Variants in FRMD5 observed in about 807,000 individuals in gnomAD.
FRMD5 encodes the protein FERM domain containing 5, also known as FERM domain-containing protein 5.
A neutral mutation model predicts 69.0 loss-of-function variants in FRMD5; 20 were observed. The observed-to-expected ratio is 0.29, with a 90% confidence interval of 0.20 to 0.42. The LOEUF is 0.42. Ranked by LOEUF, FRMD5 falls within the 10% of genes least tolerant of loss-of-function variation. The pLI, the probability that FRMD5 is intolerant of heterozygous loss-of-function variation, is 1.00. For missense variants in FRMD5, 595 were observed against 708.6 expected (o/e 0.84, Z 1.82); for synonymous variants, 271 against 260.1 (o/e 1.04, Z -0.40).
chr15:44,136,892 C>T (rs2077195308), intron 1 of FRMD5, among the ~76,000 whole-genome samples: 1 of 152,102 alleles, frequency 6.6e-6, no homozygotes, highest in African/African-American at 2.4e-5. Flanking sequence ...CACCCCAACA[C>T]ATACAAACTC....
At chr15:44,120,744 G>A (rs983123162) in intron 1 of FRMD5, among the ~76,000 whole-genome samples, 1 of 151,406 alleles carries the variant, frequency 6.6e-6, no homozygotes, top group Non-Finnish European at 1.5e-5. Context: ...CAGCCAGGAT[G>A]GTCTTGATCT....
chr15:43,914,524 T>C (rs2089347818), intron 4 of FRMD5, among the ~76,000 whole-genome samples: 1 of 152,112 alleles, frequency 6.6e-6, no homozygotes. Context: ...TGACACTTAC[T>C]ATATGTGCCA....
intron 1 of FRMD5, among the ~76,000 whole-genome samples, chr15:43,992,683 G>C (rs1044684449): frequency 1.3e-5 from 2 of 151,828 alleles, no homozygotes; most frequent in East Asian, 1.9e-4. Flanking sequence ...CGGCTGGACT[G>C]GAGTTTTATT....
chr15:43,984,062 C>T (rs1249166854), intron 1 of FRMD5, among the ~76,000 whole-genome samples: 1 of 152,122 alleles, frequency 6.6e-6, no homozygotes, highest in East Asian at 1.9e-4. Flanking sequence ...TGTTTTTCTT[C>T]AAGCCAGAAT....
rs1241994063 is a variant in FRMD5 at position 43,962,580 on chromosome 15, C to A, written c.103-38271G>T. Among the ~76,000 whole-genome samples, 23 of 152,202 alleles carry A rather than the reference C, an allele frequency of 1.5e-4. No individual in the cohort carries two copies. In the East Asian group the frequency reaches 1.7e-3, roughly 11 times the overall value. ...CTTTAAAGTTCATATGGAACCAAAA[C>A]AGAGCCCGCATTGCCAAGTCAATCC... is the stretch of plus-strand genomic sequence containing the variant. On this transcript the variant is annotated intron_variant, in intron 1 of 13. Transcript: ENST00000417257.
chr15:44,134,917 CAAG>C (rs928737688), intron 1 of FRMD5, among the ~76,000 whole-genome samples: 3 of 152,072 alleles, frequency 2.0e-5, no homozygotes, highest in African/African-American at 4.8e-5. Context: ...TGAGAAACAG[CAAG>C]AAGATTAGGG....
chr15:43,957,320 C>T (rs890324743), intron 1 of FRMD5, among the ~76,000 whole-genome samples: 3 of 152,134 alleles, frequency 2.0e-5, no homozygotes, highest in Non-Finnish European at 4.4e-5. Context: ...CTTAGCCTCC[C>T]AAGTAACTGG....
chr15:44,011,227 T>C (rs1005620499), intron 1 of FRMD5, among the ~76,000 whole-genome samples: 4 of 23,144 alleles, frequency 1.7e-4, no homozygotes, highest in Non-Finnish European at 6.4e-4. Context: ...TTCCTAATAC[T>C]TTACATCCTT....
chr15:44,026,886 C>G (rs1891450860), intron 1 of FRMD5, among the ~76,000 whole-genome samples: 1 of 152,208 alleles, frequency 6.6e-6, no homozygotes, highest in Non-Finnish European at 1.5e-5. Context: ...ACAGTTCTTT[C>G]TTCATTGTCT....
chr15:43,986,286 G>A (rs1889389106), intron 1 of FRMD5, among the ~76,000 whole-genome samples: 1 of 152,178 alleles, frequency 6.6e-6, no homozygotes, highest in Non-Finnish European at 1.5e-5. Flanking sequence ...ACCCAAAAAT[G>A]ATAACTGAAA....
Position 43,989,756 on chromosome 15 carries a change from ACAGGGACAG to A in FRMD5, c.103-65456_103-65448del, listed in dbSNP as rs199530959. 1.5e-3 allele frequency: 1,509 copies of A among 993,366 alleles called. 18 individuals are homozygous for A. The African/African-American group carries it at 0.022, about 14-fold the overall frequency. The allele number at this position is 993,366 out of a possible 1,614,324, so 61.5% of individuals were successfully genotyped here. A position where few individuals can be genotyped will look rare whatever the true frequency, so the allele number is the denominator to read the frequency against. On this transcript the variant is annotated intron_variant, in intron 1 of 13. Transcript: ENST00000417257. Reference sequence around the variant, plus strand: ...GATGTCAGTGGTAGGCCAGAGGTGTACAGGGACAGCACGGCCTGGATGGCCACGTACATG... The same window carrying A: ...GATGTCAGTGGTAGGCCAGAGGTGTACACGGCCTGGATGGCCACGTACATG...
chr15:43,906,031 A>G (rs758104427), intron 5 of FRMD5, 80 bp from the exon 6 acceptor site: 4 of 1,564,396 alleles, frequency 2.6e-6, no homozygotes, highest in Non-Finnish European at 3.5e-6. Flanking sequence ...ATTAGCACAC[A>G]GAGCAAAAGC....
chr15:44,052,156 T>C (rs1892696280), intron 1 of FRMD5, among the ~76,000 whole-genome samples: 1 of 152,216 alleles, frequency 6.6e-6, no homozygotes, highest in Admixed American at 6.5e-5. Flanking sequence ...TATAGCTTTT[T>C]CTAGTCTCTC....
chr15:44,026,169 C>G (rs1357598152), intron 1 of FRMD5, among the ~76,000 whole-genome samples: 1 of 152,138 alleles, frequency 6.6e-6, no homozygotes, highest in Non-Finnish European at 1.5e-5. Flanking sequence ...TTGGTAGAGA[C>G]AGGGTTTCGC....
At chr15:44,098,049 C>T (rs1248778091) in intron 1 of FRMD5, among the ~76,000 whole-genome samples, 3 of 143,676 alleles carry the variant, frequency 2.1e-5, no homozygotes, top group Non-Finnish European at 3.0e-5. Flanking sequence ...TGTGCATCAG[C>T]AAGAGCCAAA....
intron 1 of FRMD5, among the ~76,000 whole-genome samples, chr15:43,988,121 T>C (rs1284428748): frequency 2.6e-5 from 4 of 152,112 alleles, no homozygotes; most frequent in Non-Finnish European, 5.9e-5. Flanking sequence ...GTAATACAAG[T>C]GATGGGGAGC....
intron 1 of FRMD5, among the ~76,000 whole-genome samples, chr15:44,179,791 A>C (rs1440815287): frequency 1.3e-5 from 2 of 152,222 alleles, no homozygotes; most frequent in African/African-American, 2.4e-5. Flanking sequence ...TTTAGAGATT[A>C]AGTTACCTGA....
intron 1 of FRMD5, among the ~76,000 whole-genome samples, chr15:44,054,564 G>C (rs1040116417): frequency 6.6e-6 from 1 of 152,158 alleles, no homozygotes; most frequent in East Asian, 1.9e-4. Context: ...GGGGTTGTCC[G>C]CCAAAGAATA....
At chr15:44,101,980 C>A (rs1188312783) in intron 1 of FRMD5, among the ~76,000 whole-genome samples, 1 of 152,220 alleles carries the variant, frequency 6.6e-6, no homozygotes. Context: ...AAGCTTTGGA[C>A]TATTGACTAG....
Sources: allele counts gnomAD v4.1 joint callset (sites outside exome capture counted in the v4.1 genomes callset), GRCh38; gene constraint gnomAD v4.1.1; transcripts MANE v1.5; gene names NCBI Gene and HGNC (gene_info 2026-07-23, HGNC 2026-07-21).